CSMD1: variants seen among roughly 807,000 people sequenced by gnomAD.
CSMD1 encodes the protein CUB and sushi domain-containing protein 1.
A neutral mutation model predicts 417.5 loss-of-function variants in CSMD1; 213 were observed. That is an observed-to-expected ratio of 0.51 (90% confidence interval 0.46 to 0.57). CSMD1 has a LOEUF of 0.57. Ranked by LOEUF, CSMD1 falls within the 20% of genes least tolerant of loss-of-function variation. CSMD1 has a pLI of 0.00. For missense variants in CSMD1, 6,923 were observed against 4,529.7 expected (o/e 1.53, Z -15.17); for synonymous variants, 2,862 against 1,736.8 (o/e 1.65, Z -16.11).
intron 11 of CSMD1, among the ~76,000 whole-genome samples, chr8:3,479,221 C>A (rs1020695880): frequency 2.6e-5 from 4 of 152,144 alleles, no homozygotes; most frequent in Admixed American, 6.5e-5. Flanking sequence ...AAACAAGGTA[C>A]TTGCTTGCTA....
intron 39 of CSMD1, among the ~76,000 whole-genome samples, chr8:3,156,173 G>T (rs781538912): frequency 4.6e-5 from 7 of 152,220 alleles, no homozygotes; most frequent in Admixed American, 2.6e-4. Context: ...TCCATATAGA[G>T]TTGACCACTT....
In CSMD1 at chr8:3,187,947, C is replaced by T; in HGVS notation, c.5542G>A (p.Ala1848Thr). 6.2e-7 allele frequency: 1 copy of T among 1,612,718 alleles called. No individual in the cohort carries two copies. The highest frequency in any genetic ancestry group is 8.5e-7 in the Non-Finnish European group (1 of 1,179,474). ...SGIQIQVISF[A>T]TEQNWDSLEI... ...AGGGAGTCCCAGTTCTGCTCCGTGG[C>T]AAAACTGATCACTTGGATCTACCAA... is the stretch of plus-strand genomic sequence containing the variant. The change falls in exon 36 of 70, where the codon GCC becomes ACC. Residue 1848 changes from alanine to threonine, a missense_variant. Physicochemically the swap from Ala to Thr is moderately conservative, Grantham distance 58. Transcript: ENST00000635120.
intron 8 of CSMD1, among the ~76,000 whole-genome samples, chr8:3,586,920 C>G (rs1269825632): frequency 6.6e-6 from 1 of 152,164 alleles, no homozygotes; most frequent in Non-Finnish European, 1.5e-5. Context: ...CTGCCTCAGC[C>G]TCCTGAGTAG....
chr8:4,388,661 A>G lies in CSMD1; in HGVS notation c.415+31292T>C, dbSNP rs947526614. On this transcript the variant is annotated intron_variant, in intron 3 of 69. Coordinates refer to ENST00000635120, the MANE Select transcript of CSMD1 (RefSeq NM_033225.6). The stretch of plus-strand genomic sequence containing the variant: ...CAAATCACCATTAAAAAACTTACCT[A>G]TGTAACCAAATACCACTTGAACTCC... Among the ~76,000 whole-genome samples, 6 of 152,148 alleles carry G rather than the reference A, an allele frequency of 3.9e-5. No individual in the cohort carries two copies. In the South Asian group the frequency reaches 8.3e-4, roughly 21 times the overall value.
At chr8:4,205,804 G>A (rs965185520) in intron 3 of CSMD1, among the ~76,000 whole-genome samples, 2 of 151,762 alleles carry the variant, frequency 1.3e-5, no homozygotes, top group African/African-American at 4.9e-5. Flanking sequence ...TATTTGTGGG[G>A]GTAAAAATGG....
chr8:3,611,635 A>G (rs1531771), intron 8 of CSMD1, among the ~76,000 whole-genome samples: 34,888 of 152,084 alleles, frequency 0.23, 4,200 homozygotes, highest in Admixed American at 0.27. Context: ...GAAAATTTTC[A>G]AAAGCTGGTA....
chr8:4,075,857 G>C (rs190380566), intron 3 of CSMD1, among the ~76,000 whole-genome samples: 1 of 152,136 alleles, frequency 6.6e-6, no homozygotes, highest in African/African-American at 2.4e-5. Context: ...TCCTCAGGGA[G>C]CCAGTTCATA....
intron 10 of CSMD1, among the ~76,000 whole-genome samples, chr8:3,545,330 T>A (rs540563532): frequency 5.3e-5 from 8 of 152,240 alleles, no homozygotes; most frequent in Admixed American, 1.3e-4. Context: ...TAGTACTACA[T>A]AAACTGGTAG....
At chr8:3,408,315 A>G in intron 13 of CSMD1, 90 bp from the exon 14 acceptor site, 1 of 932,946 alleles carries the variant, frequency 1.1e-6, no homozygotes, top group Non-Finnish European at 1.6e-6. Flanking sequence ...TGGAAAGGCA[A>G]TTCATGCCTG....
intron 3 of CSMD1, among the ~76,000 whole-genome samples, chr8:4,154,818 G>C (rs867857764): frequency 1.1e-4 from 17 of 152,162 alleles, no homozygotes; most frequent in Non-Finnish European, 2.1e-4. Context: ...TGGAAAGAGA[G>C]GCACGATTAT....
chr8:3,948,785 C>G (rs1476455894), intron 5 of CSMD1, among the ~76,000 whole-genome samples: 1 of 151,990 alleles, frequency 6.6e-6, no homozygotes, highest in Non-Finnish European at 1.5e-5. Context: ...CTATTACAAT[C>G]AAAAGCAGTT....
intron 6 of CSMD1, among the ~76,000 whole-genome samples, chr8:3,752,323 G>T (rs1245447340): frequency 1.3e-5 from 2 of 152,082 alleles, no homozygotes; most frequent in Admixed American, 1.3e-4. Context: ...AACATCAGAA[G>T]GCAATCTAAG....
chr8:4,534,279 C>T (rs527930007), intron 2 of CSMD1, among the ~76,000 whole-genome samples: 1 of 152,320 alleles, frequency 6.6e-6, no homozygotes, highest in East Asian at 1.9e-4. Context: ...CAAGGATGCT[C>T]AAGGAGGCCA....
chr8:3,832,892 T>C (rs1243835458), intron 5 of CSMD1, among the ~76,000 whole-genome samples: 2 of 152,216 alleles, frequency 1.3e-5, no homozygotes, highest in African/African-American at 2.4e-5. Context: ...AAAACCCATA[T>C]TGCATAAGCA....
Position 3,682,258 on chromosome 8 carries a change from T to C in CSMD1, c.1009+26156A>G, listed in dbSNP as rs571842700. On this transcript the variant is annotated intron_variant, in intron 7 of 69. Coordinates refer to ENST00000635120, the MANE Select transcript of CSMD1 (RefSeq NM_033225.6). ...CTACCATCAGAGTGAACAGGCAACC[T>C]AAAAAATGGGATAAAATTTTTGCAA... is the stretch of plus-strand genomic sequence containing the variant. Among the ~76,000 whole-genome samples, 384 of 152,152 alleles carry C rather than the reference T, an allele frequency of 2.5e-3. 7 individuals carry two copies. The highest frequency in any genetic ancestry group is 0.023 in the Admixed American group (348 of 15,278).
Position 2,978,619 on chromosome 8 carries a change from C to T in CSMD1, c.8559G>A (p.Lys2853=), listed in dbSNP as rs1309040540. The T allele has an allele frequency of 1.9e-6, 3 of 1,588,272 alleles. No homozygotes were observed. Among genetic ancestry groups the T allele is most frequent in the Non-Finnish European group, 2.6e-6 (3 of 1,166,708 alleles). ...GGAATAACCCTGACTTACCCAAACA[C>T]TTGGGCAGGGATCGGTCCCATAAGC... is the stretch of plus-strand genomic sequence containing the variant. ...ANGLWDRSLP[K]CLAISCGHPG... is the part of the protein sequence containing the mutation. The change falls in exon 55 of 70, where the codon AAG becomes AAA. Residue 2853 remains lysine, a synonymous_variant. Coordinates refer to ENST00000635120, the MANE Select transcript of CSMD1 (RefSeq NM_033225.6).
chr8:3,971,974 C>G (rs1726932068), intron 5 of CSMD1, among the ~76,000 whole-genome samples: 1 of 151,874 alleles, frequency 6.6e-6, no homozygotes, highest in Non-Finnish European at 1.5e-5. Context: ...GTGGGTGATC[C>G]TGGCTCACTG....
chr8:3,281,123 G>T (rs997634892), intron 26 of CSMD1, among the ~76,000 whole-genome samples: 2 of 152,120 alleles, frequency 1.3e-5, no homozygotes, highest in Non-Finnish European at 2.9e-5. Context: ...AAATTTTGAA[G>T]CAACCCGTAT....
intron 1 of CSMD1, among the ~76,000 whole-genome samples, chr8:4,919,640 T>C (rs1466943654): frequency 2.6e-5 from 4 of 152,210 alleles, no homozygotes; most frequent in Admixed American, 6.5e-5. Flanking sequence ...AGTTTTAATA[T>C]CGATACTCCA....
Sources: allele counts gnomAD v4.1 joint callset (sites outside exome capture counted in the v4.1 genomes callset), GRCh38; gene constraint gnomAD v4.1.1; transcripts MANE v1.5; gene names NCBI Gene and HGNC (gene_info 2026-07-23, HGNC 2026-07-21).